PHF12: variants seen among roughly 807,000 people sequenced by gnomAD.
PHF12 encodes the protein PHD factor 1.
A neutral mutation model predicts 99.8 loss-of-function variants in PHF12; 6 were observed. That is an observed-to-expected ratio of 0.06 (90% confidence interval 0.03 to 0.12). The LOEUF is 0.12. Among genes scored for constraint, PHF12 ranks in the 10% least tolerant of loss-of-function variants. The probability of loss-of-function intolerance (pLI) is 1.00; values close to 1 mark genes in which losing one functional copy is unlikely to be tolerated. For synonymous variants in PHF12, 480 were observed against 514.9 expected, an observed-to-expected ratio of 0.93 and a Z score of 0.92; for missense variants, 954 against 1,300.1, an observed-to-expected ratio of 0.73 and a Z score of 4.09.
At chr17:28,910,662 G>T in intron 10 of PHF12, 1 of 462,376 alleles carries the variant, frequency 2.2e-6, no homozygotes, top group Non-Finnish European at 3.8e-6. Context: ...TTGCCTGTCT[G>T]TGGGGGAGGG....
chr17:28,912,147 T>G (rs2039971728), intron 9 of PHF12: 1 of 1,123,052 alleles, frequency 8.9e-7, no homozygotes, highest in Admixed American at 4.6e-5. Flanking sequence ...GCACCCTGCC[T>G]TCTTTTAAGG....
At position 28,950,458 on chromosome 17, in the gene PHF12, C is replaced by T. The variant is rs1239762933; in HGVS notation, c.67-212G>A. ...AGCACAACAACGAGAACAGCTTCTT[C>T]CAAATGGGGAGGATCAAGGGTAGGG... On this transcript the variant is annotated intron_variant, in intron 1 of 14. Transcript: ENST00000332830. This position sits in a 1 kb window ranked among gnomAD's most constrained non-coding sequence, Gnocchi z 5.7. 1.7e-6 allele frequency: 1 copy of T among 600,320 alleles called. No homozygotes were observed. The highest frequency in any genetic ancestry group is 1.9e-5 in the African/African-American group (1 of 53,542). 37.2% of individuals were successfully genotyped at this position (600,320 alleles called of 1,614,324 possible). A position where few individuals can be genotyped will look rare whatever the true frequency, so the allele number is the denominator to read the frequency against.
At chr17:28,947,588 A>C (rs533841099) in intron 2 of PHF12, among the ~76,000 whole-genome samples, 2 of 152,174 alleles carry the variant, frequency 1.3e-5, no homozygotes, top group South Asian at 2.1e-4. Context: ...TCAGAAAAAA[A>C]CAAACAAACA....
chr17:28,947,014 T>C (rs985463024), intron 2 of PHF12, among the ~76,000 whole-genome samples: 11 of 152,144 alleles, frequency 7.2e-5, no homozygotes, highest in African/African-American at 2.7e-4. Flanking sequence ...GATGGGGTCT[T>C]ACTCTGTCAC....
At chr17:28,942,708 T>C (rs902786650) in intron 2 of PHF12, among the ~76,000 whole-genome samples, 11 of 150,824 alleles carry the variant, frequency 7.3e-5, no homozygotes, top group African/African-American at 2.2e-4. Flanking sequence ...CCCAGCTACT[T>C]GGGAGGCTGA....
intron 2 of PHF12, among the ~76,000 whole-genome samples, chr17:28,943,854 G>T (rs1401588070): frequency 6.6e-6 from 1 of 152,196 alleles, no homozygotes; most frequent in African/African-American, 2.4e-5. Context: ...ATGAACCTTG[G>T]AAAGATTCAC....
In PHF12 at chr17:28,912,551, G is replaced by C; in HGVS notation, c.2020C>G (p.Gln674Glu). 1 of 1,613,912 alleles carries C rather than the reference G, an allele frequency of 6.2e-7. No individual in the cohort carries two copies. The highest frequency in any genetic ancestry group is 8.5e-7 in the Non-Finnish European group (1 of 1,179,770). ...PNATRVLTPP[Q>E]AAGDGILATT... ...GCCAAGATACCATCTCCTGCTGCTTGCGGGGGAGTGAGCACCCGGGTGGCG... is the reference window on the plus strand; with the variant it reads ...GCCAAGATACCATCTCCTGCTGCTTCCGGGGGAGTGAGCACCCGGGTGGCG... Residue 674 changes from glutamine to glutamate, a missense_variant, in exon 9 of 15, where the codon CAA becomes GAA. By Grantham distance (29) the Gln-to-Glu change is conservative. Around this residue, in one of 8 missense-constraint regions of PHF12, gnomAD observed 392 missense variants for 423.1 expected, o/e 0.93. Transcript: ENST00000332830.
Position 28,905,961 on chromosome 17 carries a change from GAAATGTTGAGTAC to G in PHF12, c.*209_*221del. ...CAGCTCAGGTCTGCCGCTTTCCCATGAAATGTTGAGTACAAATATATGTGCAAATGCCCCCTAG... is the reference window on the plus strand; with the variant it reads ...CAGCTCAGGTCTGCCGCTTTCCCATGAAATATATGTGCAAATGCCCCCTAG... On this transcript the variant is annotated 3_prime_UTR_variant, in exon 15 of 15. Transcript: ENST00000332830. 2.1e-6 allele frequency: 1 copy of G among 482,124 alleles called. No homozygotes were observed. The highest frequency in any genetic ancestry group is 4.0e-5 in the South Asian group (1 of 24,836). The allele number at this position is 482,124 out of a possible 1,614,324, so 29.9% of individuals were successfully genotyped here.
chr17:28,915,813 C>G (rs1455140589), intron 7 of PHF12, among the ~76,000 whole-genome samples: 1 of 152,194 alleles, frequency 6.6e-6, no homozygotes. Context: ...ATTTCACTCT[C>G]AAACTGTCCA....
At chr17:28,936,264 T>C (rs1303580507) in intron 2 of PHF12, among the ~76,000 whole-genome samples, 1 of 152,156 alleles carries the variant, frequency 6.6e-6, no homozygotes, top group African/African-American at 2.4e-5. Flanking sequence ...CACAGCACCA[T>C]GTTAATTATC....
rs1453445767 is a variant in PHF12 at position 28,908,804 on chromosome 17, G to A, written c.2437C>T (p.Arg813Ter). 1 of 1,613,814 alleles carries A rather than the reference G, an allele frequency of 6.2e-7. No individual in the cohort carries two copies. The highest frequency in any genetic ancestry group is 1.7e-5 in the Admixed American group (1 of 60,000). The change falls in exon 12 of 15, where the codon CGA becomes TGA. Residue 813 changes from arginine (R) to a stop codon, truncating the protein, a stop_gained. Coordinates refer to ENST00000332830, the MANE Select transcript of PHF12 (RefSeq NM_001033561.2). LOFTEE classifies it high-confidence loss of function. ...TCACCTGTCCCGATGTAGAGGGTTC[G>A]ATAGCACATGTTCACAGCTCCTCCC... Reference protein sequence around the residue: ...GLGGAVNMCYRTLYIGTGADM... With the variant: ...GLGGAVNMCY
chr17:28,950,047 A>G lies in PHF12; in HGVS notation c.248+18T>C. The G allele has an allele frequency of 1.3e-6, 2 of 1,570,552 alleles. No individual in the cohort carries two copies. The highest frequency in any genetic ancestry group is 2.4e-5 in the East Asian group (1 of 42,206). On this transcript the variant is annotated intron_variant, in intron 2 of 14. Transcript: ENST00000332830. This position sits in a 1 kb window ranked among gnomAD's most constrained non-coding sequence, Gnocchi z 5.7. ...GAAGGGTCCGCCAAGAAGCTCCAAA[A>G]GGGTCCCCAGACCTTACCAGCACTG... is the stretch of plus-strand genomic sequence containing the variant.
chr17:28,930,305 A>T (rs887264780), intron 2 of PHF12, among the ~76,000 whole-genome samples: 1 of 152,162 alleles, frequency 6.6e-6, no homozygotes, highest in Non-Finnish European at 1.5e-5. Context: ...CTTCTGCACC[A>T]CACTGTATTC....
intron 4 of PHF12, among the ~76,000 whole-genome samples, chr17:28,923,415 C>T (rs559178137): frequency 5.3e-5 from 8 of 150,200 alleles, no homozygotes; most frequent in Non-Finnish European, 8.9e-5. Flanking sequence ...CCCAGCACTT[C>T]GGGAGGCCGA....
chr17:28,951,062 T>G lies in PHF12; in HGVS notation c.-102A>C. The G allele has an allele frequency of 3.2e-6, 5 of 1,577,610 alleles. No homozygotes were observed. Among genetic ancestry groups the G allele is most frequent in the Non-Finnish European group, 4.3e-6 (5 of 1,162,476 alleles). On this transcript the variant is annotated 5_prime_UTR_variant, in exon 1 of 15. Coordinates refer to ENST00000332830, the MANE Select transcript of PHF12 (RefSeq NM_001033561.2). ...GGCGCTCCTGACCCCGGCCCCGCTTTTTTCCCAATACGGGTCCCGACTTCC... is the reference window on the plus strand; with the variant it reads ...GGCGCTCCTGACCCCGGCCCCGCTTGTTTCCCAATACGGGTCCCGACTTCC...
intron 7 of PHF12, among the ~76,000 whole-genome samples, chr17:28,916,185 G>A (rs992782807): frequency 2.0e-5 from 3 of 152,202 alleles, no homozygotes; most frequent in Non-Finnish European, 4.4e-5. Flanking sequence ...GAAGGTGATG[G>A]CAGTGGTGTG....
chr17:28,941,035 C>G (rs958051847), intron 2 of PHF12, among the ~76,000 whole-genome samples: 1 of 142,210 alleles, frequency 7.0e-6, no homozygotes, highest in African/African-American at 2.7e-5. Flanking sequence ...GGGGGGAAAA[C>G]AGACTTTTTT....
Position 28,950,443 on chromosome 17 carries a change from C to G in PHF12, c.67-197G>C, listed in dbSNP as rs931055312. ...TAACCGCGTTCCTGCAGCACAACAA[C>G]GAGAACAGCTTCTTCCAAATGGGGA... On this transcript the variant is annotated intron_variant, in intron 1 of 14. Transcript: ENST00000332830. This position sits in a 1 kb window ranked among gnomAD's most constrained non-coding sequence, Gnocchi z 5.7. 1 of 610,424 alleles carries G rather than the reference C, an allele frequency of 1.6e-6. No homozygotes were observed. Among genetic ancestry groups the G allele is most frequent in the African/African-American group, 1.9e-5 (1 of 53,720 alleles). The allele number at this position is 610,424 out of a possible 1,614,324, so 37.8% of individuals were successfully genotyped here.
At position 28,950,660 on chromosome 17, in the gene PHF12, G is replaced by T; in HGVS notation, c.66+235C>A. The T allele has an allele frequency of 1.7e-6, 1 of 593,074 alleles. No homozygotes were observed. Among genetic ancestry groups the T allele is most frequent in the Non-Finnish European group, 2.8e-6 (1 of 355,388 alleles). 36.7% of individuals were successfully genotyped at this position (593,074 alleles called of 1,614,324 possible). ...CTGCCGGTGCAACGAGATGGAGTGG[G>T]CTGGCGCCTCGGGAGAGCGAATCGA... On this transcript the variant is annotated intron_variant, in intron 1 of 14. Transcript: ENST00000332830. The surrounding 1 kb of genome is among the most constrained non-coding windows in gnomAD (Gnocchi z 5.7).
Sources: gnomAD v4.1 joint callset for allele counts (sites outside exome capture counted in the v4.1 genomes callset) on GRCh38, gnomAD v4.1.1 for gene constraint, gnomAD v4.1.1 regional missense constraint, Gnocchi (gnomAD v3.1) non-coding constraint, MANE v1.5 for transcripts, NCBI Gene and HGNC (gene_info 2026-07-23, HGNC 2026-07-21) for gene names.